Variants in CNTNAP2 observed in about 807,000 individuals in gnomAD.
The protein encoded by CNTNAP2 is contactin associated protein 2, also known as contactin-associated protein-like 2.
CNTNAP2 carries 98 observed loss-of-function variants against 155.2 expected under a neutral mutation model. The observed-to-expected ratio is 0.63, with a 90% confidence interval of 0.54 to 0.75. CNTNAP2 has a LOEUF of 0.75. Among genes scored for constraint, CNTNAP2 ranks in the 30% least tolerant of loss-of-function variants. The probability of loss-of-function intolerance (pLI) is 0.00; values close to 1 mark genes in which losing one functional copy is unlikely to be tolerated. For synonymous variants in CNTNAP2, 651 were observed against 631.2 expected, an observed-to-expected ratio of 1.03 and a Z score of -0.47; for missense variants, 1,727 against 1,688.1, an observed-to-expected ratio of 1.02 and a Z score of -0.40.
intron 1 of CNTNAP2, among the ~76,000 whole-genome samples, chr7:146,168,551 C>A (rs2116814359): frequency 6.6e-6 from 1 of 152,226 alleles, no homozygotes; most frequent in Middle Eastern, 3.4e-3. Context: ...TGTAGCCAGT[C>A]TGTTTTTCTC....
At chr7:146,787,843 A>G (rs1802603106) in intron 2 of CNTNAP2, among the ~76,000 whole-genome samples, 1 of 152,110 alleles carries the variant, frequency 6.6e-6, no homozygotes, top group African/African-American at 2.4e-5. Context: ...TCCCCACCAG[A>G]TTAGCTAGAC....
At chr7:146,397,771 C>G (rs1795651161) in intron 1 of CNTNAP2, among the ~76,000 whole-genome samples, 1 of 151,990 alleles carries the variant, frequency 6.6e-6, no homozygotes, top group African/African-American at 2.4e-5. Context: ...TATACAAGCC[C>G]CAAAAGAGAA....
intron 5 of CNTNAP2, among the ~76,000 whole-genome samples, chr7:147,111,750 G>C (rs1171861141): frequency 6.6e-6 from 1 of 152,176 alleles, no homozygotes; most frequent in Non-Finnish European, 1.5e-5. Context: ...TCAGTACCAT[G>C]CTGTTTTGGT....
intron 2 of CNTNAP2, among the ~76,000 whole-genome samples, chr7:146,812,402 A>C (rs1803082055): frequency 6.7e-6 from 1 of 149,848 alleles, no homozygotes; most frequent in Non-Finnish European, 1.5e-5. Context: ...GAGTTAGGGT[A>C]TCTGGCAGAA....
chr7:148,244,514 G>A (rs1351342321), intron 20 of CNTNAP2, among the ~76,000 whole-genome samples: 2 of 149,228 alleles, frequency 1.3e-5, no homozygotes, highest in Admixed American at 1.3e-4. Context: ...ACTAGGATTT[G>A]TTAGGGTTTT....
chr7:148,240,982 C>T (rs552118073), intron 20 of CNTNAP2, among the ~76,000 whole-genome samples: 180 of 152,272 alleles, frequency 1.2e-3, no homozygotes, highest in African/African-American at 4.1e-3. Context: ...GGTGGGTCTG[C>T]CTTTCCCAGT....
intron 12 of CNTNAP2, among the ~76,000 whole-genome samples, chr7:147,571,865 C>T (rs1043912910): frequency 1.3e-5 from 2 of 152,158 alleles, no homozygotes; most frequent in South Asian, 4.1e-4. Flanking sequence ...CTTTCTGTCT[C>T]CTAACCTAGT....
intron 1 of CNTNAP2, among the ~76,000 whole-genome samples, chr7:146,614,313 C>T (rs1193479478): frequency 1.3e-5 from 2 of 151,974 alleles, no homozygotes; most frequent in African/African-American, 4.8e-5. Flanking sequence ...TATGGTCTTC[C>T]TAAATAAGCA....
chr7:147,804,720 A>C (rs895221922), intron 13 of CNTNAP2, among the ~76,000 whole-genome samples: 1 of 151,898 alleles, frequency 6.6e-6, no homozygotes, highest in East Asian at 2.0e-4. Context: ...CACCTGGCTA[A>C]TTTTTGTATT....
chr7:146,177,939 A>C (rs1406910393), intron 1 of CNTNAP2, among the ~76,000 whole-genome samples: 1 of 152,238 alleles, frequency 6.6e-6, no homozygotes, highest in Admixed American at 6.5e-5. Context: ...ATGATCGCCA[A>C]GTTTAATCCT....
chr7:147,650,695 C>T (rs1286982114), intron 13 of CNTNAP2, among the ~76,000 whole-genome samples: 1 of 152,068 alleles, frequency 6.6e-6, no homozygotes, highest in Non-Finnish European at 1.5e-5. Context: ...TTCTAGTCAA[C>T]AGTAGGCTAT....
At chr7:146,672,619 CA>C (rs1374236138) in intron 1 of CNTNAP2, among the ~76,000 whole-genome samples, 1 of 152,122 alleles carries the variant, frequency 6.6e-6, no homozygotes, top group Non-Finnish European at 1.5e-5. Flanking sequence ...CAAACTGTGT[CA>C]CTAATATTGT....
chr7:147,354,559 C>G (rs1584894526), intron 9 of CNTNAP2, among the ~76,000 whole-genome samples: 1 of 151,850 alleles, frequency 6.6e-6, no homozygotes, highest in Non-Finnish European at 1.5e-5. Flanking sequence ...TAGTTTGAAG[C>G]CAGGTAGTGT....
rs561660871 is a variant in CNTNAP2 at position 147,559,165 on chromosome 7, C to T, written c.1778-2973C>T. Among the ~76,000 whole-genome samples, 53 of 152,308 alleles carry T rather than the reference C, an allele frequency of 3.5e-4. 1 individual carries two copies. Among genetic ancestry groups the T allele is most frequent in the Admixed American group, 2.7e-3 (41 of 15,300 alleles). ...TGTTGGGATTACAGGCATGAGCCAC[C>T]GTGCCCGGCCTAATTGTTAACTCTG... is the stretch of plus-strand genomic sequence containing the variant. On this transcript the variant is annotated intron_variant, in intron 11 of 23. Transcript: ENST00000361727.
intron 8 of CNTNAP2, among the ~76,000 whole-genome samples, chr7:147,149,975 G>A (rs780199985): frequency 6.6e-6 from 1 of 152,192 alleles, no homozygotes; most frequent in Non-Finnish European, 1.5e-5. Context: ...TGAATTGTAG[G>A]TTCCTCACTT....
rs547439730 is a variant in CNTNAP2, at chr7:146,928,819, G to T, written c.402+88915G>T. Among the ~76,000 whole-genome samples, 379 of 152,350 alleles carry T rather than the reference G, an allele frequency of 2.5e-3. 2 individuals carry two copies. The highest frequency in any genetic ancestry group is 8.7e-3 in the African/African-American group (360 of 41,586). ...TGGCTCGGAGGGTCCTACGCCCACG[G>T]AGTCTCGCTGGTTGCTAGCACAGCA... On this transcript the variant is annotated intron_variant, in intron 3 of 23. Transcript: ENST00000361727.
intron 13 of CNTNAP2, among the ~76,000 whole-genome samples, chr7:147,865,082 T>C (rs1799204107): frequency 6.6e-6 from 1 of 152,316 alleles, no homozygotes; most frequent in Non-Finnish European, 1.5e-5. Flanking sequence ...ATAGCTCTTA[T>C]TATTTTGAGA....
intron 23 of CNTNAP2, among the ~76,000 whole-genome samples, chr7:148,414,189 G>A (rs916342221): frequency 1.5e-4 from 22 of 143,464 alleles, no homozygotes; most frequent in African/African-American, 5.8e-4. Context: ...CGATTCTCAC[G>A]CCTCAGCATC....
chr7:147,499,454 G>A (rs1235495826), intron 11 of CNTNAP2, among the ~76,000 whole-genome samples: 6 of 152,172 alleles, frequency 3.9e-5, no homozygotes, highest in South Asian at 2.1e-4. Context: ...GCCTGAACCC[G>A]GGAGGCAGAG....
Sources: allele counts gnomAD v4.1 joint callset (sites outside exome capture counted in the v4.1 genomes callset), GRCh38; gene constraint gnomAD v4.1.1; transcripts MANE v1.5; gene names NCBI Gene and HGNC (gene_info 2026-07-23, HGNC 2026-07-21).